AK5: variants seen among roughly 807,000 people sequenced by gnomAD.
The protein encoded by AK5 is adenylate kinase isoenzyme 5.
Under a neutral mutation model 69.5 loss-of-function variants are expected in AK5, and 27 were observed. The ratio of observed to expected loss-of-function variants is 0.39; its 90% confidence interval spans 0.29 to 0.54. AK5 has a LOEUF of 0.54. Ranked by LOEUF, AK5 falls within the 20% of genes least tolerant of loss-of-function variation. The pLI, the probability that AK5 is intolerant of heterozygous loss-of-function variation, is 0.71. For synonymous variants in AK5, 260 were observed against 244.4 expected (o/e 1.06, Z -0.60); for missense variants, 531 against 700.4 (o/e 0.76, Z 2.73).
intron 10 of AK5, among the ~76,000 whole-genome samples, chr1:77,495,535 G>C (rs946349136): frequency 1.3e-5 from 2 of 152,166 alleles, no homozygotes; most frequent in African/African-American, 2.4e-5. Flanking sequence ...GAAACAATTT[G>C]AACCCATAAA....
chr1:77,415,383 A>G (rs1650355979), intron 7 of AK5, among the ~76,000 whole-genome samples: 2 of 152,220 alleles, frequency 1.3e-5, no homozygotes, highest in African/African-American at 4.8e-5. Context: ...AAAAGATTTC[A>G]TGTTCAGATC....
At chr1:77,539,982 G>T (rs561023660) in intron 13 of AK5, among the ~76,000 whole-genome samples, 15 of 152,186 alleles carry the variant, frequency 9.9e-5, no homozygotes, top group African/African-American at 2.4e-4. Context: ...AAAGCCACAG[G>T]GGGGGCCAAC....
intron 6 of AK5, among the ~76,000 whole-genome samples, chr1:77,348,598 T>C (rs975539226): frequency 6.6e-6 from 1 of 152,190 alleles, no homozygotes; most frequent in Non-Finnish European, 1.5e-5. Context: ...TATGGGACTG[T>C]CTTCAACAAT....
At chr1:77,333,952 T>A (rs187279847) in intron 5 of AK5, among the ~76,000 whole-genome samples, 14 of 152,346 alleles carry the variant, frequency 9.2e-5, no homozygotes, top group Middle Eastern at 3.4e-3. Context: ...TTATGTACTG[T>A]CTTTATTTGT....
chr1:77,349,358 G>A (rs184282730), intron 6 of AK5: 10 of 152,178 alleles, frequency 6.6e-5, no homozygotes, highest in Admixed American at 5.2e-4. Context: ...ACCTAATCTT[G>A]TTGGGGCAGA....
At position 77,483,328 on chromosome 1, in the gene AK5, G is replaced by A. The variant is rs750061589; in HGVS notation, c.1071G>A (p.Gln357=). The A allele has an allele frequency of 6.8e-6, 11 of 1,612,340 alleles. No individual in the cohort carries two copies. In the East Asian group the frequency reaches 1.8e-4, roughly 26 times the overall value. Residue 357 remains glutamine, a synonymous_variant, in exon 9 of 14, where the codon CAG becomes CAA. Transcript: ENST00000354567. The part of the protein sequence containing the change: ...GSDYEDQGDD[Q]LNVFGEDTMG... Reference sequence around the variant, plus strand: ...GATTTTTTTAACAGGGTGATGACCAGTTAAATGTATTTGGAGAGGACACTA... The same window carrying A: ...GATTTTTTTAACAGGGTGATGACCAATTAAATGTATTTGGAGAGGACACTA...
At chr1:77,527,290 A>G (rs1658342066) in intron 12 of AK5, among the ~76,000 whole-genome samples, 2 of 152,194 alleles carry the variant, frequency 1.3e-5, no homozygotes, top group Non-Finnish European at 2.9e-5. Context: ...TCCTTTGCTT[A>G]AAACCCAGTT....
At chr1:77,341,966 T>G (rs1661678315) in intron 6 of AK5, among the ~76,000 whole-genome samples, 1 of 152,164 alleles carries the variant, frequency 6.6e-6, no homozygotes, top group South Asian at 2.1e-4. Context: ...TGGCGTGATC[T>G]CAGCTTACTG....
chr1:77,539,945 C>A (rs1659178774), intron 13 of AK5, among the ~76,000 whole-genome samples: 1 of 152,168 alleles, frequency 6.6e-6, no homozygotes, highest in African/African-American at 2.4e-5. Flanking sequence ...GATGAATCAG[C>A]AGTTCTGTGA....
intron 8 of AK5, among the ~76,000 whole-genome samples, chr1:77,427,215 C>G (rs1344239083): frequency 6.6e-6 from 1 of 151,926 alleles, no homozygotes; most frequent in African/African-American, 2.4e-5. Flanking sequence ...AAACCAAAAG[C>G]TGGATCTTTG....
chr1:77,289,208 T>C (rs1220988250), intron 2 of AK5, among the ~76,000 whole-genome samples: 2 of 152,218 alleles, frequency 1.3e-5, no homozygotes, highest in Admixed American at 1.3e-4. Context: ...GACTCCAAAC[T>C]GTGCAGACAC....
intron 6 of AK5, among the ~76,000 whole-genome samples, chr1:77,390,372 C>A (rs1648341380): frequency 6.6e-6 from 1 of 152,158 alleles, no homozygotes; most frequent in African/African-American, 2.4e-5. Flanking sequence ...ACATATTTCA[C>A]TATGTGAAAA....
chr1:77,310,969 G>A (rs898687081), intron 5 of AK5, among the ~76,000 whole-genome samples: 11 of 151,880 alleles, frequency 7.2e-5, no homozygotes, highest in Non-Finnish European at 1.3e-4. Context: ...TCGTTTATAG[G>A]TTTGCTACTA....
intron 6 of AK5, among the ~76,000 whole-genome samples, chr1:77,394,490 T>C (rs935228859): frequency 1.3e-5 from 2 of 152,172 alleles, no homozygotes; most frequent in Admixed American, 6.6e-5. Context: ...TGTAGTTCTC[T>C]ATACAGCTCT....
chr1:77,298,284 C>G (rs1261715559), intron 5 of AK5, among the ~76,000 whole-genome samples: 2 of 151,966 alleles, frequency 1.3e-5, no homozygotes, highest in East Asian at 1.9e-4. Flanking sequence ...TCCAGGGATG[C>G]AAAACATTAC....
intron 5 of AK5, among the ~76,000 whole-genome samples, chr1:77,305,979 G>GA (rs752813524): frequency 1.4e-4 from 20 of 146,834 alleles, no homozygotes; most frequent in Admixed American, 8.0e-4. Context: ...CATGAAAATG[G>GA]ATTTTTTTTT....
At chr1:77,334,856 G>A (rs962251064) in intron 5 of AK5, among the ~76,000 whole-genome samples, 5 of 151,914 alleles carry the variant, frequency 3.3e-5, no homozygotes, top group African/African-American at 1.2e-4. Context: ...CTCTTCCCCT[G>A]GGTGGGCCCC....
chr1:77,515,831 G>T (rs985406791), intron 10 of AK5, among the ~76,000 whole-genome samples: 1 of 152,074 alleles, frequency 6.6e-6, no homozygotes, highest in African/African-American at 2.4e-5. Flanking sequence ...TGAGAGGATC[G>T]CTTGAGGCCA....
Position 77,535,946 on chromosome 1 carries a change from A to G in AK5, c.1528A>G (p.Thr510Ala). 2 of 1,614,050 alleles carry G rather than the reference A, an allele frequency of 1.2e-6. No individual in the cohort carries two copies. Among genetic ancestry groups the G allele is most frequent in the African/African-American group, 1.3e-5 (1 of 74,990 alleles). Reference sequence around the variant, plus strand: ...CCGGAGCAGCCTGCCTGTGGACGACACCACCAAGACCATCGCCAAGCGCCT... The same window carrying G: ...CCGGAGCAGCCTGCCTGTGGACGACGCCACCAAGACCATCGCCAAGCGCCT... ...RSRSSLPVDD[T>A]TKTIAKRLEA... is the part of the protein sequence containing the mutation. The change falls in exon 13 of 14, where the codon ACC (threonine) becomes GCC (alanine). Residue 510 changes from threonine to alanine, a missense_variant. Transcript: ENST00000354567.
Sources: gnomAD v4.1 joint callset for allele counts (sites outside exome capture counted in the v4.1 genomes callset) on GRCh38, gnomAD v4.1.1 for gene constraint, MANE v1.5 for transcripts, NCBI Gene and HGNC (gene_info 2026-07-23, HGNC 2026-07-21) for gene names.